ANXA4: variants seen among roughly 807,000 people sequenced by gnomAD.
ANXA4 encodes the protein 35-beta calcimedin.
A neutral mutation model predicts 49.8 loss-of-function variants in ANXA4; 39 were observed. That is an observed-to-expected ratio of 0.78 (90% CI 0.61 to 1.02). ANXA4 has a LOEUF of 1.02. ANXA4 is among the 50% of genes least tolerant of loss of function. The probability of loss-of-function intolerance (pLI) is 0.00; values close to 1 mark genes in which losing one functional copy is unlikely to be tolerated. For missense variants in ANXA4, 360 were observed against 410.1 expected (o/e 0.88, Z 1.05); for synonymous variants, 134 against 152.5 (o/e 0.88, Z 0.89).
At chr2:69,731,729 A>G (rs1389789317) in intron 3 of ANXA4, among the ~76,000 whole-genome samples, 1 of 152,192 alleles carries the variant, frequency 6.6e-6, no homozygotes, top group East Asian at 1.9e-4. Flanking sequence ...GGGGTAGGAC[A>G]CTTCCTTGGA....
At chr2:69,788,905 A>C in intron 3 of ANXA4, among the ~76,000 whole-genome samples, 1 of 134,978 alleles carries the variant, frequency 7.4e-6, no homozygotes, top group Admixed American at 7.4e-5. Flanking sequence ...AGAGGGAGGG[A>C]GGGAGGGAAA....
chr2:69,747,397 C>T lies in ANXA4; in HGVS notation c.-47+5222C>T, dbSNP rs527867531. 2.0e-5 allele frequency among the ~76,000 whole-genome samples: 3 copies of T among 152,280 alleles called. No homozygotes were observed. The East Asian group carries it at 5.8e-4, about 29-fold the overall frequency. On this transcript the variant is annotated intron_variant, in intron 1 of 12. Transcript: ENST00000394295. ...CAGCATCTTCTCTCTTACTCCTCTACAGGGGACTTAGGAAAACATTTTCTG... is the reference window on the plus strand; with the variant it reads ...CAGCATCTTCTCTCTTACTCCTCTATAGGGGACTTAGGAAAACATTTTCTG...
At chr2:69,801,409 T>TG (rs1673189399) in intron 3 of ANXA4, among the ~76,000 whole-genome samples, 1 of 151,588 alleles carries the variant, frequency 6.6e-6, no homozygotes, top group African/African-American at 2.4e-5. Flanking sequence ...TTTTGTTTTT[T>TG]TTTTCTTTTT....
At chr2:69,695,402 A>G (rs921176506) in intron 2 of ANXA4, among the ~76,000 whole-genome samples, 9 of 152,194 alleles carry the variant, frequency 5.9e-5, no homozygotes, top group African/African-American at 1.9e-4. Context: ...AAAATGAAAA[A>G]CAAACTCAGG....
At chr2:69,697,181 T>G (rs1678186635) in intron 2 of ANXA4, among the ~76,000 whole-genome samples, 1 of 152,234 alleles carries the variant, frequency 6.6e-6, no homozygotes, top group African/African-American at 2.4e-5. Context: ...TCTATGATCT[T>G]AGCTAGATCT....
chr2:69,816,241 A>C (rs1673987961), intron 9 of ANXA4, 47 bp downstream of exon 9: 1 of 1,513,294 alleles, frequency 6.6e-7, no homozygotes, highest in East Asian at 2.2e-5. Context: ...GAAAGATAGC[A>C]AAAACTATAT....
At chr2:69,681,011 T>G (rs1199554944) in intron 2 of ANXA4, among the ~76,000 whole-genome samples, 1 of 152,202 alleles carries the variant, frequency 6.6e-6, no homozygotes, top group Admixed American at 6.5e-5. Flanking sequence ...AGGATAATGC[T>G]GGCCTCATAG....
At chr2:69,801,897 C>T (rs111679621) in intron 3 of ANXA4, among the ~76,000 whole-genome samples, 1 of 152,182 alleles carries the variant, frequency 6.6e-6, no homozygotes, top group African/African-American at 2.4e-5. Context: ...GGCTGGGAAA[C>T]AACATATGAC....
At chr2:69,675,931 C>G (rs1293759800) in intron 2 of ANXA4, among the ~76,000 whole-genome samples, 1 of 150,522 alleles carries the variant, frequency 6.6e-6, no homozygotes, top group African/African-American at 2.4e-5. Context: ...GGTGTGAACC[C>G]GGAAGGCAGA....
intron 3 of ANXA4, among the ~76,000 whole-genome samples, chr2:69,722,515 G>A (rs1015422272): frequency 1.3e-5 from 2 of 151,956 alleles, no homozygotes; most frequent in Non-Finnish European, 2.9e-5. Context: ...TAAGGCAGAC[G>A]CAAAAGGACA....
chr2:69,651,466 A>G (rs1166526422), intron 1 of ANXA4, among the ~76,000 whole-genome samples: 2 of 151,938 alleles, frequency 1.3e-5, no homozygotes, highest in Non-Finnish European at 2.9e-5. Flanking sequence ...TGTATACTTC[A>G]TATATTACCT....
intron 3 of ANXA4, among the ~76,000 whole-genome samples, chr2:69,726,429 G>A (rs549852252): frequency 6.6e-6 from 1 of 152,306 alleles, no homozygotes; most frequent in South Asian, 2.1e-4. Flanking sequence ...CAGCTCAGGA[G>A]TTTAACTCAT....
intron 1 of ANXA4, among the ~76,000 whole-genome samples, chr2:69,754,560 T>TGGA (rs1478460224): frequency 6.6e-6 from 1 of 152,160 alleles, no homozygotes; most frequent in East Asian, 1.9e-4. Flanking sequence ...ATGCATGGCC[T>TGGA]GGAGGCTTCT....
upstream of ANXA4, chr2:69,643,912 G>A (rs1675884245): frequency 8.7e-7 from 1 of 1,155,840 alleles, no homozygotes; most frequent in Non-Finnish European, 1.1e-6. Context: ...GAAGAGGACT[G>A]GGGGAAGAGG....
rs144458500 is a variant in ANXA4, at chr2:69,662,619, C to T, written n.766+9337C>T. 5.5e-3 allele frequency among the ~76,000 whole-genome samples: 839 copies of T among 152,270 alleles called. 10 individuals carry two copies. Among genetic ancestry groups the T allele is most frequent in the African/African-American group, 0.019 (792 of 41,528 alleles). On this transcript the variant is annotated intron_variant and non_coding_transcript_variant, in intron 2 of 3. Transcript: ENST00000418066. ...TAGAACTCTGGCAGCCAGGTTCAAA[C>T]TCACCAGGATGGAGAATTTGGAATA... is the stretch of plus-strand genomic sequence containing the variant.
chr2:69,657,281 A>G (rs539432067), intron 2 of ANXA4, among the ~76,000 whole-genome samples: 34 of 152,210 alleles, frequency 2.2e-4, no homozygotes, highest in African/African-American at 8.2e-4. Context: ...AGCATGAGCC[A>G]CCGTGCCCAG....
intron 1 of ANXA4, among the ~76,000 whole-genome samples, chr2:69,747,103 G>T (rs1670644523): frequency 6.6e-6 from 1 of 152,144 alleles, no homozygotes; most frequent in Non-Finnish European, 1.5e-5. Context: ...ACATGTAACA[G>T]AGCAGGAAGC....
At chr2:69,708,520 G>A (rs976303906) in intron 2 of ANXA4, among the ~76,000 whole-genome samples, 3 of 148,408 alleles carry the variant, frequency 2.0e-5, no homozygotes, top group African/African-American at 7.9e-5. Flanking sequence ...ACTTGAGCCT[G>A]GGAGAAGAAA....
At chr2:69,808,146 T>A in intron 6 of ANXA4, 150 bp downstream of exon 6, 1 of 700,932 alleles carries the variant, frequency 1.4e-6, no homozygotes, top group Non-Finnish European at 2.4e-6. Flanking sequence ...GGGAGATCCC[T>A]GTTTAGCCAA....
Sources: gnomAD v4.1 joint callset for allele counts (sites outside exome capture counted in the v4.1 genomes callset) on GRCh38, gnomAD v4.1.1 for gene constraint, MANE v1.5 for transcripts, NCBI Gene and HGNC (gene_info 2026-07-23, HGNC 2026-07-21) for gene names.